The following PIAS1 variants were observed in gnomAD, a reference collection of about 807,000 sequenced individuals.
PIAS1 encodes protein inhibitor of activated STAT 1.
Under a neutral mutation model 71.3 loss-of-function variants are expected in PIAS1, and 6 were observed. The ratio of observed to expected loss-of-function variants is 0.08; its 90% CI spans 0.05 to 0.17. PIAS1 has a LOEUF of 0.17. PIAS1 is among the 10% of genes least tolerant of loss of function. PIAS1 has a pLI of 1.00. For synonymous variants in PIAS1, 303 were observed against 292.9 expected (o/e 1.03, Z -0.35); for missense variants, 555 against 793.6 (o/e 0.70, Z 3.61).
In PIAS1 at chr15:68,167,114, C is replaced by T. The variant is rs1323118402; in HGVS notation, c.1008+2310C>T. Among the ~76,000 whole-genome samples, 2 of 152,180 alleles carry T rather than the reference C, an allele frequency of 1.3e-5. No homozygotes were observed. The highest frequency in any genetic ancestry group is 6.5e-5 in the Admixed American group (1 of 15,268). On this transcript the variant is annotated intron_variant, in intron 8 of 13. Coordinates refer to ENST00000249636, the MANE Select transcript of PIAS1 (RefSeq NM_016166.3). The surrounding 1 kb of genome is among the most constrained non-coding windows in gnomAD (Gnocchi z 4.4). Reference sequence around the variant, plus strand: ...GGGATTACAGGCGTGAGCCACCACACCTGGCCAGCAGTTCATTTTAAATTG... The same window carrying T: ...GGGATTACAGGCGTGAGCCACCACATCTGGCCAGCAGTTCATTTTAAATTG...
intron 3 of PIAS1, 34 bp downstream of exon 3, chr15:68,142,064 C>A (rs561314286): frequency 2.2e-6 from 3 of 1,373,954 alleles, no homozygotes; most frequent in African/African-American, 1.4e-5. Context: ...TGAAGTTTGA[C>A]CTTTGAATCC....
At chr15:68,137,433 G>C (rs772035405) in intron 2 of PIAS1, among the ~76,000 whole-genome samples, 45 of 152,236 alleles carry the variant, frequency 3.0e-4, no homozygotes, top group Admixed American at 9.2e-4. Flanking sequence ...ATATGAGAAT[G>C]ACTGGAAGGA....
In PIAS1 at chr15:68,173,414, A is replaced by G. The variant is rs1203822646; in HGVS notation, c.1009-318A>G. On this transcript the variant is annotated intron_variant, in intron 8 of 13. Coordinates refer to ENST00000249636, the MANE Select transcript of PIAS1 (RefSeq NM_016166.3). The surrounding 1 kb of genome is among the most constrained non-coding windows in gnomAD (Gnocchi z 4.3). ...AAGCACTCTCTCCAGAAAAATGCAC[A>G]CACGAAATTTTGAATGTAATTCAAG... 6.6e-6 allele frequency among the ~76,000 whole-genome samples: 1 copy of G among 151,934 alleles called. No homozygotes were observed. Among genetic ancestry groups the G allele is most frequent in the Non-Finnish European group, 1.5e-5 (1 of 67,988 alleles).
At chr15:68,092,560 T>C (rs1383065891) in intron 2 of PIAS1, among the ~76,000 whole-genome samples, 1 of 152,240 alleles carries the variant, frequency 6.6e-6, no homozygotes, top group Non-Finnish European at 1.5e-5. Flanking sequence ...GTGGTCTGAA[T>C]GTGTCCCTCA....
At chr15:68,098,447 G>A (rs1194505048) in intron 2 of PIAS1, among the ~76,000 whole-genome samples, 1 of 152,128 alleles carries the variant, frequency 6.6e-6, no homozygotes, top group East Asian at 1.9e-4. Context: ...CTGTCTAAGA[G>A]GTGACAGAGG....
chr15:68,094,362 A>G (rs571063717), intron 2 of PIAS1, among the ~76,000 whole-genome samples: 5 of 151,946 alleles, frequency 3.3e-5, no homozygotes, highest in Non-Finnish European at 5.9e-5. Flanking sequence ...AATAATTTAT[A>G]GAAAATATTT....
At position 68,173,797 on chromosome 15, in the gene PIAS1, C is replaced by T. The variant is rs376194188; in HGVS notation, c.1074C>T (p.Asp358=). The T allele has an allele frequency of 4.9e-5, 78 of 1,598,334 alleles. No individual in the cohort carries two copies. The Admixed American group carries it at 5.0e-4, about 10-fold the overall frequency. Reference sequence around the variant, plus strand: ...CATGTTCTCATCTACAATGTTTTGACGCAACTCTTTACATTCAGATGAATG... The same window carrying T: ...CATGTTCTCATCTACAATGTTTTGATGCAACTCTTTACATTCAGATGAATG... ...ALTCSHLQCF[D]ATLYIQMNEK... The change falls in exon 9 of 14, where the codon GAC becomes GAT. Residue 358 remains aspartate, a synonymous_variant. Coordinates refer to ENST00000249636, the MANE Select transcript of PIAS1 (RefSeq NM_016166.3). This position sits in a 1 kb window ranked among gnomAD's most constrained non-coding sequence, Gnocchi z 4.3.
chr15:68,157,329 G>A (rs1432747133), intron 7 of PIAS1, among the ~76,000 whole-genome samples: 1 of 152,086 alleles, frequency 6.6e-6, no homozygotes, highest in Admixed American at 6.5e-5. Flanking sequence ...ACTCTGTGCT[G>A]TCAAGACTCT....
chr15:68,111,715 C>T (rs544371871), intron 2 of PIAS1, among the ~76,000 whole-genome samples: 2 of 152,148 alleles, frequency 1.3e-5, no homozygotes, highest in South Asian at 2.1e-4. Flanking sequence ...TAGCGTAAAA[C>T]TACTGAGAGT....
chr15:68,069,578 G>A (rs1432240076), intron 1 of PIAS1, among the ~76,000 whole-genome samples: 4 of 152,084 alleles, frequency 2.6e-5, no homozygotes, highest in Non-Finnish European at 5.9e-5. Flanking sequence ...TGAGGCGGGC[G>A]GATGACAAGG....
At position 68,173,923 on chromosome 15, in the gene PIAS1, GA is replaced by G. The variant is rs781674126; in HGVS notation, c.1169+34del. 6 of 1,368,972 alleles carry G rather than the reference GA, an allele frequency of 4.4e-6. No individual in the cohort carries two copies. The African/African-American group carries it at 7.3e-5, about 17-fold the overall frequency. The allele number at this position is 1,368,972 out of a possible 1,614,324, so 84.8% of individuals were successfully genotyped here. A position where few individuals can be genotyped will look rare whatever the true frequency, so the allele number is the denominator to read the frequency against. ...TTACTTTAAGTGTTTTTGGTACCTT[GA>G]AATGACCATATATTATCTGGGTTTG... On this transcript the variant is annotated intron_variant, in intron 9 of 13. Coordinates refer to ENST00000249636, the MANE Select transcript of PIAS1 (RefSeq NM_016166.3). The surrounding 1 kb of genome is among the most constrained non-coding windows in gnomAD (Gnocchi z 4.3).
At chr15:68,119,619 G>A (rs548687479) in intron 2 of PIAS1, among the ~76,000 whole-genome samples, 12 of 152,226 alleles carry the variant, frequency 7.9e-5, no homozygotes, top group African/African-American at 2.9e-4. Context: ...TGTTCTGTGT[G>A]CATTTGAAAA....
intron 13 of PIAS1, chr15:68,184,808 G>A (rs1407190280): frequency 6.5e-6 from 1 of 153,358 alleles, no homozygotes; most frequent in Non-Finnish European, 1.5e-5. Context: ...TTAAGGACAA[G>A]ATAACAGTCT....
At chr15:68,095,583 T>C (rs1020305112) in intron 2 of PIAS1, among the ~76,000 whole-genome samples, 1 of 148,822 alleles carries the variant, frequency 6.7e-6, no homozygotes, top group Non-Finnish European at 1.5e-5. Flanking sequence ...CAGGTTGGAG[T>C]GCAGTGGCAT....
intron 7 of PIAS1, among the ~76,000 whole-genome samples, chr15:68,159,217 A>G (rs1007591127): frequency 1.3e-5 from 2 of 152,136 alleles, no homozygotes; most frequent in Admixed American, 1.3e-4. Context: ...CAAATATTAT[A>G]TGTCTTATTT....
chr15:68,111,509 A>G (rs2092523416), intron 2 of PIAS1, among the ~76,000 whole-genome samples: 1 of 152,194 alleles, frequency 6.6e-6, no homozygotes, highest in African/African-American at 2.4e-5. Flanking sequence ...TATGAATTGG[A>G]TGTTAAATTG....
At chr15:68,138,498 G>A (rs968576489) in intron 2 of PIAS1, among the ~76,000 whole-genome samples, 1 of 152,144 alleles carries the variant, frequency 6.6e-6, no homozygotes, top group African/African-American at 2.4e-5. Context: ...GAATGAGACG[G>A]AGTTTCACTC....
chr15:68,130,362 C>T (rs895533668), intron 2 of PIAS1, among the ~76,000 whole-genome samples: 11 of 151,892 alleles, frequency 7.2e-5, no homozygotes, highest in Non-Finnish European at 1.0e-4. Context: ...TACATTTACA[C>T]AGTTATATGT....
chr15:68,116,753 C>T (rs1330802237), intron 2 of PIAS1, among the ~76,000 whole-genome samples: 1 of 151,878 alleles, frequency 6.6e-6, no homozygotes, highest in African/African-American at 2.4e-5. Context: ...TAGCTGTATC[C>T]CACAACTTGT....
Sources: allele counts gnomAD v4.1 joint callset (sites outside exome capture counted in the v4.1 genomes callset), GRCh38; gene constraint gnomAD v4.1.1; non-coding constraint Gnocchi (gnomAD v3.1); transcripts MANE v1.5; gene names NCBI Gene and HGNC (gene_info 2026-07-23, HGNC 2026-07-21).